Variants in HEMK2 observed in about 807,000 individuals in gnomAD.
The protein encoded by HEMK2 is HemK methyltransferase 2, ETF1 glutamine and histone H4 lysine.
At chr21:28,646,172 A>C in the HEMK2 span, among the ~76,000 whole-genome samples, 49 of 152,330 alleles carry the variant, frequency 3.2e-4, no homozygotes, top group African/African-American at 1.1e-3. Flanking sequence ...GTATGTTATC[A>C]TTATAATATG....
chr21:28,748,174 C>T, the HEMK2 span, among the ~76,000 whole-genome samples: 1 of 152,192 alleles, frequency 6.6e-6, no homozygotes, highest in African/African-American at 2.4e-5. Context: ...TGCTCACTAC[C>T]TGGGTGACAG....
At chr21:28,780,685 C>T in the HEMK2 span, among the ~76,000 whole-genome samples, 1 of 152,244 alleles carries the variant, frequency 6.6e-6, no homozygotes, top group African/African-American at 2.4e-5. Context: ...GCTTTGCTCA[C>T]TAAAGTAGTC....
chr21:28,880,321 C>T, the HEMK2 span, among the ~76,000 whole-genome samples: 2 of 152,098 alleles, frequency 1.3e-5, no homozygotes, highest in Admixed American at 1.3e-4. Context: ...ACAATTTTTC[C>T]GATATCTGTA....
At chr21:28,581,929 T>C in the HEMK2 span, among the ~76,000 whole-genome samples, 1 of 152,190 alleles carries the variant, frequency 6.6e-6, no homozygotes, top group African/African-American at 2.4e-5. Context: ...CCCTAACACT[T>C]ATGACTGACA....
chr21:28,607,420 A>T, the HEMK2 span, among the ~76,000 whole-genome samples: 2 of 152,176 alleles, frequency 1.3e-5, no homozygotes, highest in Non-Finnish European at 2.9e-5. Context: ...CAAAAAAAAA[A>T]TTATTAAATA....
chr21:28,603,980 C>T, the HEMK2 span, among the ~76,000 whole-genome samples: 2 of 152,220 alleles, frequency 1.3e-5, no homozygotes, highest in Non-Finnish European at 2.9e-5. Flanking sequence ...GCGTACTCAT[C>T]TGGTCCAGGC....
At chr21:28,774,520 C>T in the HEMK2 span, among the ~76,000 whole-genome samples, 1 of 151,950 alleles carries the variant, frequency 6.6e-6, no homozygotes, top group Admixed American at 6.6e-5. Context: ...CCCAGGAGTT[C>T]GAGGTTACAA....
chr21:28,740,299 T>C, the HEMK2 span, among the ~76,000 whole-genome samples: 2 of 152,240 alleles, frequency 1.3e-5, no homozygotes, highest in Non-Finnish European at 2.9e-5. Flanking sequence ...AATAAGATTT[T>C]CAAACTGGCC....
At chr21:28,659,424 G>T in the HEMK2 span, among the ~76,000 whole-genome samples, 685 of 152,092 alleles carry the variant, frequency 4.5e-3, 1 homozygote, top group Non-Finnish European at 6.8e-3. Context: ...AGCAGCATTT[G>T]CCCATTTCTC....
At chr21:28,790,902 T>C in the HEMK2 span, among the ~76,000 whole-genome samples, 1 of 150,898 alleles carries the variant, frequency 6.6e-6, no homozygotes, top group Non-Finnish European at 1.5e-5. Context: ...TTAATGGGTG[T>C]AGCACACCAG....
the HEMK2 span, among the ~76,000 whole-genome samples, chr21:28,810,551 T>A: frequency 1.3e-5 from 2 of 152,182 alleles, no homozygotes; most frequent in Admixed American, 6.5e-5. Context: ...TTCACATATG[T>A]GCCTCACATT....
the HEMK2 span, chr21:28,874,298 G>A: frequency 6.6e-5 from 10 of 152,220 alleles, no homozygotes; most frequent in African/African-American, 1.7e-4. Flanking sequence ...GACACCCTGC[G>A]CGAAGGGAAA....
the HEMK2 span, among the ~76,000 whole-genome samples, chr21:28,657,475 T>C: frequency 6.6e-6 from 1 of 152,042 alleles, no homozygotes; most frequent in Non-Finnish European, 1.5e-5. Flanking sequence ...ATATTCTGAC[T>C]TCATGTCAAA....
chr21:28,654,635 G>A, the HEMK2 span, among the ~76,000 whole-genome samples: 3 of 151,960 alleles, frequency 2.0e-5, no homozygotes, highest in South Asian at 2.1e-4. Flanking sequence ...TTCTCTTAAC[G>A]TCTCATTTTC....
chr21:28,830,450 T>C, the HEMK2 span, among the ~76,000 whole-genome samples: 1 of 152,220 alleles, frequency 6.6e-6, no homozygotes, highest in Non-Finnish European at 1.5e-5. Context: ...CCAGCCATGC[T>C]TCCTGTACAG....
At chr21:28,784,059 G>A in the HEMK2 span, among the ~76,000 whole-genome samples, 1 of 152,168 alleles carries the variant, frequency 6.6e-6, no homozygotes, top group African/African-American at 2.4e-5. Flanking sequence ...GGGCTCCTGT[G>A]TGGCCTGAGC....
chr21:28,798,824 G>A, the HEMK2 span, among the ~76,000 whole-genome samples: 1 of 152,188 alleles, frequency 6.6e-6, no homozygotes, highest in Non-Finnish European at 1.5e-5. Context: ...TCCATGCATT[G>A]CTCATTGCCA....
the HEMK2 span, among the ~76,000 whole-genome samples, chr21:28,864,820 C>CAGATAGAT: frequency 0.028 from 3,385 of 119,168 alleles, 66 homozygotes; most frequent in East Asian, 0.068. Flanking sequence ...GACAGACAGA[C>CAGATAGAT]AGATAGATAG....
At chr21:28,829,977 G>A in the HEMK2 span, among the ~76,000 whole-genome samples, 1 of 152,208 alleles carries the variant, frequency 6.6e-6, no homozygotes, top group Non-Finnish European at 1.5e-5. Context: ...GAGAAGATCT[G>A]TCTGCTCCCA....
Sources: allele counts gnomAD v4.1 joint callset (sites outside exome capture counted in the v4.1 genomes callset), GRCh38; gene constraint gnomAD v4.1.1; transcripts MANE v1.5; gene names NCBI Gene and HGNC (gene_info 2026-07-23, HGNC 2026-07-21).